PPP2R5E: variants seen among roughly 807,000 people sequenced by gnomAD.
PPP2R5E encodes protein phosphatase 2 regulatory subunit B'epsilon.
In PPP2R5E, 4 loss-of-function variants were observed where a neutral mutation model predicts 65.3. The ratio of observed to expected loss-of-function variants is 0.06; its 90% confidence interval spans 0.03 to 0.14. The LOEUF (loss-of-function observed/expected upper bound fraction) is 0.14, where lower values mean the gene tolerates loss of function less well. Ranked by LOEUF, PPP2R5E falls within the 10% of genes least tolerant of loss-of-function variation. PPP2R5E has a pLI of 1.00. For synonymous variants in PPP2R5E, 183 were observed against 187.4 expected (o/e 0.98, Z 0.19); for missense variants, 274 against 556.1 (o/e 0.49, Z 5.10).
intron 1 of PPP2R5E, among the ~76,000 whole-genome samples, chr14:63,540,229 G>A (rs1448596663): frequency 4.0e-5 from 6 of 151,664 alleles, no homozygotes; most frequent in African/African-American, 7.3e-5. Flanking sequence ...TCAGGAGTTC[G>A]AGACTAGCCT....
At chr14:63,447,996 C>G (rs1382364027) in intron 3 of PPP2R5E, among the ~76,000 whole-genome samples, 1 of 152,140 alleles carries the variant, frequency 6.6e-6, no homozygotes, top group Non-Finnish European at 1.5e-5. Context: ...TGTCCCAAAG[C>G]AATTAAAATA....
Position 63,425,843 on chromosome 14 carries a change from T to C in PPP2R5E, c.355-3749A>G, listed in dbSNP as rs115382945. Reference sequence around the variant, plus strand: ...TTATTTCTAAGGATGTTTATCCCTATATTGTGTTCTAATCTTCTGACTTAG... The same window carrying C: ...TTATTTCTAAGGATGTTTATCCCTACATTGTGTTCTAATCTTCTGACTTAG... On this transcript the variant is annotated intron_variant, in intron 3 of 13. Transcript: ENST00000337537. 3.1e-3 allele frequency among the ~76,000 whole-genome samples: 469 copies of C among 152,376 alleles called. 2 individuals are homozygous for C. Among genetic ancestry groups the C allele is most frequent in the African/African-American group, 0.011 (441 of 41,590 alleles).
chr14:63,476,363 TACTC>T (rs1890412097), intron 2 of PPP2R5E, among the ~76,000 whole-genome samples: 1 of 152,184 alleles, frequency 6.6e-6, no homozygotes, highest in African/African-American at 2.4e-5. Context: ...CTAGGTTTGA[TACTC>T]ACTTTGCAAT....
chr14:63,512,385 T>C (rs1355605583), intron 2 of PPP2R5E, among the ~76,000 whole-genome samples: 1 of 152,180 alleles, frequency 6.6e-6, no homozygotes, highest in Admixed American at 6.5e-5. Context: ...ATACCACAAA[T>C]AATACTTAAG....
intron 12 of PPP2R5E, among the ~76,000 whole-genome samples, chr14:63,382,641 T>A (rs1884434161): frequency 6.6e-6 from 1 of 152,146 alleles, no homozygotes; most frequent in Non-Finnish European, 1.5e-5. Flanking sequence ...CCTCAGGTGA[T>A]CTGCCTGCCT....
intron 11 of PPP2R5E, among the ~76,000 whole-genome samples, chr14:63,388,735 G>A (rs764173380): frequency 7.2e-5 from 11 of 152,174 alleles, no homozygotes; most frequent in Non-Finnish European, 1.3e-4. Context: ...AGCAGCTAGT[G>A]TCTCTAACTA....
At chr14:63,446,325 C>T (rs6573517) in intron 3 of PPP2R5E, among the ~76,000 whole-genome samples, 25,364 of 152,164 alleles carry the variant, frequency 0.17, 2,243 homozygotes, top group East Asian at 0.21. Context: ...TTTCGACTTC[C>T]TCCTGTGAAT....
At chr14:63,404,246 A>G (rs181804131) in intron 5 of PPP2R5E, among the ~76,000 whole-genome samples, 1 of 152,366 alleles carries the variant, frequency 6.6e-6, no homozygotes, top group East Asian at 1.9e-4. Flanking sequence ...GCTCTCTGCT[A>G]TAATAAAGAA....
Position 63,400,668 on chromosome 14 carries a change from T to C in PPP2R5E, c.550-3952A>G, listed in dbSNP as rs113970261. ...CATTTCCACAGGAAAACATTCTATC[T>C]AGGAAAGAAAGGCATGTGGCCCCAA... is the stretch of plus-strand genomic sequence containing the variant. On this transcript the variant is annotated intron_variant, in intron 5 of 13. Coordinates refer to ENST00000337537, the MANE Select transcript of PPP2R5E (RefSeq NM_006246.5). 8.5e-4 allele frequency among the ~76,000 whole-genome samples: 87 copies of C among 102,056 alleles called. 3 individuals are homozygous for C. Among genetic ancestry groups the C allele is most frequent in the African/African-American group, 3.4e-3 (86 of 25,322 alleles). The allele number at this position is 102,056 out of a possible 152,430, so 67.0% of individuals were successfully genotyped here.
intron 2 of PPP2R5E, among the ~76,000 whole-genome samples, chr14:63,475,086 AAG>A (rs1254565727): frequency 2.6e-5 from 4 of 152,248 alleles, no homozygotes; most frequent in African/African-American, 9.6e-5. Context: ...AGCGATGATC[AAG>A]GCAGATCAAC....
intron 5 of PPP2R5E, 119 bp downstream of exon 5, chr14:63,415,021 A>G: frequency 1.8e-6 from 1 of 567,028 alleles, no homozygotes; most frequent in Non-Finnish European, 3.1e-6. Context: ...TTATATATAT[A>G]TATATATTTT....
intron 12 of PPP2R5E, among the ~76,000 whole-genome samples, chr14:63,383,013 G>A (rs925185397): frequency 1.8e-4 from 28 of 152,078 alleles, no homozygotes; most frequent in Admixed American, 1.8e-3. Flanking sequence ...TATCTGTCTA[G>A]CTCTGATCTG....
chr14:63,396,444 G>C, intron 6 of PPP2R5E, 142 bp downstream of exon 6: 1 of 1,085,892 alleles, frequency 9.2e-7, no homozygotes, highest in Non-Finnish European at 1.3e-6. Flanking sequence ...GGAAGAGGCA[G>C]GAGAGTCAGT....
At chr14:63,502,271 C>T (rs1444519681) in intron 2 of PPP2R5E, among the ~76,000 whole-genome samples, 1 of 152,080 alleles carries the variant, frequency 6.6e-6, no homozygotes, top group African/African-American at 2.4e-5. Context: ...GGAGGTGCTG[C>T]CCGGCCTCCT....
At chr14:63,474,673 C>CAAAAAAAAAA (rs1157357885) in intron 2 of PPP2R5E, among the ~76,000 whole-genome samples, 2 of 27,730 alleles carry the variant, frequency 7.2e-5, no homozygotes, top group African/African-American at 2.0e-4. Context: ...TACCCCATCT[C>CAAAAAAAAAA]AAAAAAAAAA....
intron 4 of PPP2R5E, among the ~76,000 whole-genome samples, chr14:63,419,143 G>A (rs1001039671): frequency 8.5e-5 from 13 of 152,100 alleles, no homozygotes; most frequent in Non-Finnish European, 1.3e-4. Flanking sequence ...CACTACGTCC[G>A]GCCAATGGGT....
At chr14:63,400,705 A>AAAAAAAAAAAAC (rs1203021749) in intron 5 of PPP2R5E, among the ~76,000 whole-genome samples, 1 of 151,224 alleles carries the variant, frequency 6.6e-6, no homozygotes, top group African/African-American at 2.4e-5. Context: ...CAGCCAAAAA[A>AAAAAAAAAAAAC]AAAAGGCCCC....
At chr14:63,429,840 G>A (rs1887534705) in intron 3 of PPP2R5E, among the ~76,000 whole-genome samples, 1 of 151,884 alleles carries the variant, frequency 6.6e-6, no homozygotes, top group Admixed American at 6.6e-5. Flanking sequence ...CCGCCACCAC[G>A]TCCAGCTAAT....
intron 2 of PPP2R5E, among the ~76,000 whole-genome samples, chr14:63,490,547 AAAC>A (rs1472202137): frequency 6.6e-6 from 1 of 152,054 alleles, no homozygotes; most frequent in African/African-American, 2.4e-5. Context: ...AACAAGAAAA[AAAC>A]AACCCCATTA....
Sources: allele counts gnomAD v4.1 joint callset (sites outside exome capture counted in the v4.1 genomes callset), GRCh38; gene constraint gnomAD v4.1.1; transcripts MANE v1.5; gene names NCBI Gene and HGNC (gene_info 2026-07-23, HGNC 2026-07-21).